The following CNTN5 variants were observed in gnomAD, a reference collection of about 807,000 sequenced individuals.
CNTN5 encodes the protein contactin 5, also known as contactin-5.
CNTN5 carries 77 observed loss-of-function variants against 129.1 expected under a neutral mutation model. The ratio of observed to expected loss-of-function variants is 0.60; its 90% CI spans 0.50 to 0.72. CNTN5 has a LOEUF of 0.72. Among genes scored for constraint, CNTN5 ranks in the 30% least tolerant of loss-of-function variants. The pLI, the probability that CNTN5 is intolerant of heterozygous loss-of-function variation, is 0.00. For missense variants in CNTN5, 1,478 were observed against 1,328.8 expected (o/e 1.11, Z -1.75); for synonymous variants, 509 against 465.6 (o/e 1.09, Z -1.20).
rs562606945 is a variant in CNTN5 at position 99,714,253 on chromosome 11, T to C, written c.56-105291T>C. 3.3e-5 allele frequency among the ~76,000 whole-genome samples: 5 copies of C among 152,118 alleles called. No individual in the cohort carries two copies. In the East Asian group the frequency reaches 7.8e-4, roughly 24 times the overall value. On this transcript the variant is annotated intron_variant, in intron 3 of 24. Coordinates refer to ENST00000524871, the MANE Select transcript of CNTN5 (RefSeq NM_014361.4). ...AGTATTTTACCAAGTGGAAGCGTTATATTTCATTGTATATTTCTTGTGTTC... is the reference window on the plus strand; with the variant it reads ...AGTATTTTACCAAGTGGAAGCGTTACATTTCATTGTATATTTCTTGTGTTC...
chr11:99,947,132 T>C (rs960333081), intron 7 of CNTN5, among the ~76,000 whole-genome samples: 5 of 151,752 alleles, frequency 3.3e-5, no homozygotes, highest in Admixed American at 6.6e-5. Context: ...AGAAACCCCT[T>C]GTAGAATAAG....
chr11:99,355,953 A>G (rs1938631819), intron 2 of CNTN5, among the ~76,000 whole-genome samples: 1 of 151,486 alleles, frequency 6.6e-6, no homozygotes, highest in African/African-American at 2.4e-5. Flanking sequence ...CAGCCTCCCA[A>G]GTAGCTGGGA....
chr11:100,093,185 G>A (rs554590909), intron 13 of CNTN5, among the ~76,000 whole-genome samples: 1 of 152,180 alleles, frequency 6.6e-6, no homozygotes, highest in South Asian at 2.1e-4. Context: ...AGCCCTCACA[G>A]TTATGATCTA....
intron 2 of CNTN5, among the ~76,000 whole-genome samples, chr11:99,344,376 G>A (rs1264259579): frequency 6.6e-6 from 1 of 152,146 alleles, no homozygotes; most frequent in African/African-American, 2.4e-5. Flanking sequence ...GATTAAAGCT[G>A]TCAAAAGAGA....
chr11:99,877,697 G>C (rs184908223), intron 6 of CNTN5, among the ~76,000 whole-genome samples: 1 of 152,110 alleles, frequency 6.6e-6, no homozygotes, highest in African/African-American at 2.4e-5. Context: ...ATTACATGCT[G>C]TAGTAATATA....
intron 18 of CNTN5, among the ~76,000 whole-genome samples, chr11:100,289,397 A>G (rs2138854835): frequency 1.3e-5 from 2 of 151,566 alleles, no homozygotes; most frequent in African/African-American, 4.8e-5. Context: ...AGCACATCAA[A>G]AAGCTTATCC....
intron 13 of CNTN5, among the ~76,000 whole-genome samples, chr11:100,091,424 C>CTTTTTTTT (rs60075209): frequency 3.5e-5 from 4 of 114,420 alleles, no homozygotes; most frequent in African/African-American, 7.1e-5. Flanking sequence ...TTTATTTATT[C>CTTTTTTTT]TTTTTTTTTT....
chr11:99,289,295 A>G (rs1036724505), intron 1 of CNTN5, among the ~76,000 whole-genome samples: 3 of 151,812 alleles, frequency 2.0e-5, no homozygotes, highest in Admixed American at 1.3e-4. Context: ...CCATTTAAAT[A>G]GTCACAAAAC....
At chr11:100,204,644 G>A (rs900127364) in intron 15 of CNTN5, among the ~76,000 whole-genome samples, 1 of 151,416 alleles carries the variant, frequency 6.6e-6, no homozygotes, top group Non-Finnish European at 1.5e-5. Flanking sequence ...AACTTCTGTT[G>A]TAATTATAGA....
intron 2 of CNTN5, among the ~76,000 whole-genome samples, chr11:99,399,518 C>T (rs1448014209): frequency 4.0e-5 from 6 of 151,628 alleles, no homozygotes; most frequent in Non-Finnish European, 7.4e-5. Flanking sequence ...ATGACTACCT[C>T]ACACATTATC....
intron 9 of CNTN5, among the ~76,000 whole-genome samples, chr11:100,049,061 G>A (rs1942831232): frequency 6.6e-6 from 1 of 152,006 alleles, no homozygotes; most frequent in African/African-American, 2.4e-5. Flanking sequence ...CACAAGAAAT[G>A]TTAAGGAAAA....
intron 18 of CNTN5, among the ~76,000 whole-genome samples, chr11:100,281,644 A>G (rs1950642771): frequency 6.6e-6 from 1 of 152,068 alleles, no homozygotes; most frequent in Non-Finnish European, 1.5e-5. Context: ...AGGTTTGGGA[A>G]GTTCTCTGAT....
At chr11:100,066,736 A>T (rs1943709897) in intron 10 of CNTN5, among the ~76,000 whole-genome samples, 1 of 151,114 alleles carries the variant, frequency 6.6e-6, no homozygotes, top group African/African-American at 2.4e-5. Flanking sequence ...CAGATGAAAG[A>T]CTTTCCATAA....
intron 6 of CNTN5, among the ~76,000 whole-genome samples, chr11:99,860,736 C>G (rs1948177646): frequency 6.6e-6 from 1 of 152,000 alleles, no homozygotes; most frequent in African/African-American, 2.4e-5. Flanking sequence ...ACTGTGATAC[C>G]TCCAGCTTTG....
intron 3 of CNTN5, among the ~76,000 whole-genome samples, chr11:99,775,759 A>C (rs998246893): frequency 1.1e-4 from 17 of 151,798 alleles, no homozygotes; most frequent in African/African-American, 3.9e-4. Context: ...GCTAAGCATT[A>C]ATATATTTTA....
intron 7 of CNTN5, among the ~76,000 whole-genome samples, chr11:99,918,107 A>G (rs1253105054): frequency 6.6e-6 from 1 of 152,090 alleles, no homozygotes; most frequent in East Asian, 1.9e-4. Flanking sequence ...GAAATCTACA[A>G]ATCATTGATC....
At chr11:99,290,001 CT>C (rs961169040) in intron 1 of CNTN5, among the ~76,000 whole-genome samples, 6 of 151,652 alleles carry the variant, frequency 4.0e-5, no homozygotes, top group African/African-American at 1.2e-4. Context: ...GATAATATTC[CT>C]TTTTTTAAAT....
At position 99,960,433 on chromosome 11, in the gene CNTN5, C is replaced by T. The variant is rs576632575; in HGVS notation, c.877+3424C>T. Among the ~76,000 whole-genome samples the T allele has an allele frequency of 5.3e-5, 8 of 152,006 alleles. No individual in the cohort carries two copies. The South Asian group carries it at 1.7e-3, about 31-fold the overall frequency. ...CTTATCTTCTATACTTCTTCTTAGA[C>T]TAACTCTATAAACTGGAAAATCAAT... On this transcript the variant is annotated intron_variant, in intron 8 of 24. Transcript: ENST00000524871.
intron 2 of CNTN5, among the ~76,000 whole-genome samples, chr11:99,472,541 T>C (rs916483090): frequency 2.0e-5 from 3 of 152,242 alleles, no homozygotes; most frequent in African/African-American, 7.2e-5. Context: ...CACTTACTGT[T>C]GTGCGTGAAT....
Sources: allele counts gnomAD v4.1 joint callset (sites outside exome capture counted in the v4.1 genomes callset), GRCh38; gene constraint gnomAD v4.1.1; transcripts MANE v1.5; gene names NCBI Gene and HGNC (gene_info 2026-07-23, HGNC 2026-07-21).